RBMS1: variants seen among roughly 807,000 people sequenced by gnomAD.
RBMS1 encodes RNA-binding motif, single-stranded-interacting protein 1.
In RBMS1, 17 loss-of-function variants were observed where a neutral mutation model predicts 62.3. That is an observed-to-expected ratio of 0.27 (90% CI 0.19 to 0.41). The LOEUF is 0.41. Ranked by LOEUF, RBMS1 falls within the 10% of genes least tolerant of loss-of-function variation. The pLI, the probability that RBMS1 is intolerant of heterozygous loss-of-function variation, is 1.00. For missense variants in RBMS1, 334 were observed against 504.5 expected (o/e 0.66, Z 3.24); for synonymous variants, 172 against 170.0 (o/e 1.01, Z -0.09).
chr2:160,309,597 T>C (rs922512321), intron 4 of RBMS1, among the ~76,000 whole-genome samples: 3 of 152,196 alleles, frequency 2.0e-5, no homozygotes, highest in African/African-American at 7.2e-5. Flanking sequence ...AGGACATGTA[T>C]TCTTTCACTT....
intron 1 of RBMS1, among the ~76,000 whole-genome samples, chr2:160,370,417 G>A (rs757189932): frequency 1.3e-5 from 2 of 152,138 alleles, no homozygotes; most frequent in Admixed American, 6.5e-5. Flanking sequence ...GGTGGATCAC[G>A]GAGTCAGGAG....
chr2:160,289,785 G>A lies in RBMS1; in HGVS notation c.641-2701C>T, dbSNP rs184036922. On this transcript the variant is annotated intron_variant, in intron 6 of 13. Coordinates refer to ENST00000348849, the MANE Select transcript of RBMS1 (RefSeq NM_016836.4). ...AAACAGCTGTATTTCTTTGACAATTGCTGTTCCATTTATTTGAAGGACATT... is the reference window on the plus strand; with the variant it reads ...AAACAGCTGTATTTCTTTGACAATTACTGTTCCATTTATTTGAAGGACATT... Among the ~76,000 whole-genome samples the A allele has an allele frequency of 7.9e-3, 1,193 of 151,948 alleles. 9 individuals carry two copies. Among genetic ancestry groups the A allele is most frequent in the Middle Eastern group, 0.02 (6 of 294 alleles).
chr2:160,366,933 GT>G (rs869061306), intron 2 of RBMS1: 10 of 226,986 alleles, frequency 4.4e-5, no homozygotes, highest in Non-Finnish European at 6.8e-5. Context: ...CTAGCCATAA[GT>G]TTTTTTTAAA....
Position 160,281,340 on chromosome 2 carries a change from G to T in RBMS1, c.925C>A (p.Pro309Thr). The part of the protein sequence containing the change: ...YQVQSPSWMQ[P>T]QPYILQHPGA... ...GGGTGCTGTAGAATATATGGTTGAGGTTGCATCCACGAAGGACTTTGCACC... is the reference window on the plus strand; with the variant it reads ...GGGTGCTGTAGAATATATGGTTGAGTTTGCATCCACGAAGGACTTTGCACC... Residue 309 changes from proline to threonine, a missense_variant, in exon 10 of 14, where the codon CCT (proline) becomes ACT (threonine). Physicochemically the swap from Pro to Thr is conservative, Grantham distance 38 (BLOSUM62 -1). This residue lies in a region of RBMS1 where 182 missense variants were observed against 257.7 expected (regional missense o/e 0.71). Coordinates refer to ENST00000348849, the MANE Select transcript of RBMS1 (RefSeq NM_016836.4). 6.2e-7 allele frequency: 1 copy of T among 1,610,044 alleles called. No homozygotes were observed. Among genetic ancestry groups the T allele is most frequent in the Non-Finnish European group, 8.5e-7 (1 of 1,177,448 alleles).
At chr2:160,424,022 CTT>C (rs72304534) in intron 1 of RBMS1, among the ~76,000 whole-genome samples, 9 of 142,628 alleles carry the variant, frequency 6.3e-5, no homozygotes, top group Admixed American at 7.0e-5. Flanking sequence ...AGTGCCATTT[CTT>C]TTTTTTTTTT....
chr2:160,444,164 T>G (rs1481260727), intron 1 of RBMS1, among the ~76,000 whole-genome samples: 2 of 152,206 alleles, frequency 1.3e-5, no homozygotes, highest in African/African-American at 2.4e-5. Context: ...GTATAAGAGT[T>G]AAGTGGGAAA....
intron 1 of RBMS1, among the ~76,000 whole-genome samples, chr2:160,440,749 AT>A (rs1683379152): frequency 6.6e-6 from 1 of 152,206 alleles, no homozygotes; most frequent in Admixed American, 6.5e-5. Flanking sequence ...ATTTGTGCAC[AT>A]TGGAGGCAGC....
At chr2:160,288,419 T>C (rs1688516820) in intron 6 of RBMS1, among the ~76,000 whole-genome samples, 1 of 152,200 alleles carries the variant, frequency 6.6e-6, no homozygotes, top group Non-Finnish European at 1.5e-5. Context: ...AACACTTCTC[T>C]GCCAAAAAAC....
intron 1 of RBMS1, among the ~76,000 whole-genome samples, chr2:160,457,385 C>T (rs138005128): frequency 0.082 from 12,417 of 152,226 alleles, 627 homozygotes; most frequent in South Asian, 0.18. Flanking sequence ...CTGCCTCAGC[C>T]TCCCAAAGTG....
intron 1 of RBMS1, among the ~76,000 whole-genome samples, chr2:160,409,435 G>A (rs1695930959): frequency 6.6e-6 from 1 of 152,174 alleles, no homozygotes; most frequent in Non-Finnish European, 1.5e-5. Context: ...GAAAATTGGT[G>A]TATCTGGTGG....
intron 1 of RBMS1, among the ~76,000 whole-genome samples, chr2:160,399,020 G>GA (rs1695301682): frequency 6.6e-6 from 1 of 152,134 alleles, no homozygotes; most frequent in Non-Finnish European, 1.5e-5. Context: ...ATTGACCTCT[G>GA]TTCTTCAAAC....
chr2:160,318,348 TA>T, intron 2 of RBMS1, 121 bp from the exon 3 acceptor site: 1 of 1,360,660 alleles, frequency 7.3e-7, no homozygotes, highest in Non-Finnish European at 9.6e-7. Context: ...CTGCAAACTT[TA>T]GAGTACAAAA....
chr2:160,452,383 A>G (rs1489112175), intron 1 of RBMS1, among the ~76,000 whole-genome samples: 3 of 152,222 alleles, frequency 2.0e-5, no homozygotes, highest in Admixed American at 6.5e-5. Context: ...AGTTCCTTAT[A>G]TAAAATGACA....
At chr2:160,465,248 C>T (rs753142150) in intron 1 of RBMS1, among the ~76,000 whole-genome samples, 15 of 152,298 alleles carry the variant, frequency 9.8e-5, no homozygotes, top group East Asian at 7.7e-4. Flanking sequence ...CATCTTATGA[C>T]GCAATTCTCT....
At chr2:160,296,869 G>C (rs1183882385) in intron 6 of RBMS1, among the ~76,000 whole-genome samples, 1 of 152,186 alleles carries the variant, frequency 6.6e-6, no homozygotes, top group Admixed American at 6.5e-5. Flanking sequence ...TCACTTTAGA[G>C]ACTCCTCCCC....
At chr2:160,407,842 C>G (rs901311585) in intron 1 of RBMS1, 25 of 981,198 alleles carry the variant, frequency 2.5e-5, no homozygotes, top group Non-Finnish European at 2.9e-5. Context: ...CCGACTCTCC[C>G]GGCGGCAGCG....
chr2:160,325,321 A>G (rs1334657621), intron 2 of RBMS1, among the ~76,000 whole-genome samples: 1 of 152,178 alleles, frequency 6.6e-6, no homozygotes, highest in Non-Finnish European at 1.5e-5. Flanking sequence ...ACATTGGTCT[A>G]TCTTGGAATA....
At chr2:160,438,413 G>A (rs940140903) in intron 1 of RBMS1, among the ~76,000 whole-genome samples, 7 of 151,716 alleles carry the variant, frequency 4.6e-5, no homozygotes, top group Admixed American at 6.6e-5. Flanking sequence ...GCGGCCTTCC[G>A]CAGTGTTTGT....
rs1177120214 is a variant in RBMS1 at position 160,275,699 on chromosome 2, G to A, written c.1159C>T (p.Gln387Ter). ...TTAGACGTCTCGACAGCCACCTGCT[G>A]TTGACCACTTGCCTCCTACAACAAA... ...AVPVEEASGQ[Q>*]QVAVETSNDH... Residue 387 changes from glutamine to a stop codon, truncating the protein, a stop_gained, in exon 13 of 14, where the codon CAG (glutamine) becomes TAG (stop). Coordinates refer to ENST00000348849, the MANE Select transcript of RBMS1 (RefSeq NM_016836.4). LOFTEE classifies it high-confidence loss of function. The A allele has an allele frequency of 6.2e-7, 1 of 1,613,798 alleles. No homozygotes were observed.
Sources: gnomAD v4.1 joint callset for allele counts (sites outside exome capture counted in the v4.1 genomes callset) on GRCh38, gnomAD v4.1.1 for gene constraint, gnomAD v4.1.1 regional missense constraint, MANE v1.5 for transcripts, NCBI Gene and HGNC (gene_info 2026-07-23, HGNC 2026-07-21) for gene names.